The following VRK2 variants were observed in gnomAD, a reference collection of about 807,000 sequenced individuals.
The protein encoded by VRK2 is VRK serine/threonine kinase 2, also known as serine/threonine-protein kinase VRK2.
In VRK2, 60 loss-of-function variants were observed where a neutral mutation model predicts 57.6. The observed-to-expected ratio is 1.04, with a 90% CI of 0.85 to 1.29. The LOEUF is 1.29. VRK2 is among the 50% of genes most tolerant of loss of function. The pLI, the probability that VRK2 is intolerant of heterozygous loss-of-function variation, is 0.00. For synonymous variants in VRK2, 231 were observed against 199.2 expected (o/e 1.16, Z -1.35); for missense variants, 705 against 588.1 (o/e 1.20, Z -2.06).
At chr2:57,966,020 T>G (rs903674290) in intron 1 of VRK2, among the ~76,000 whole-genome samples, 6 of 152,164 alleles carry the variant, frequency 3.9e-5, no homozygotes, top group Admixed American at 3.3e-4. Context: ...TTCAGAAGCT[T>G]TAACATCTTA....
At chr2:58,022,564 G>T (rs1673790726) in intron 1 of VRK2, among the ~76,000 whole-genome samples, 1 of 152,134 alleles carries the variant, frequency 6.6e-6, no homozygotes, top group African/African-American at 2.4e-5. Context: ...GTCACAAAAC[G>T]AATATGAGAG....
chr2:58,124,444 C>A (rs111748575), intron 8 of VRK2, among the ~76,000 whole-genome samples: 1 of 152,178 alleles, frequency 6.6e-6, no homozygotes, highest in African/African-American at 2.4e-5. Context: ...AAATTATATT[C>A]TTTGTAAACT....
intron 1 of VRK2, among the ~76,000 whole-genome samples, chr2:57,982,369 G>A (rs183446384): frequency 1.6e-3 from 246 of 152,298 alleles, no homozygotes; most frequent in South Asian, 3.9e-3. Context: ...CATGTGCACC[G>A]GCAGGAGCTG....
intron 2 of VRK2, among the ~76,000 whole-genome samples, chr2:58,031,281 G>A (rs577476322): frequency 3.9e-5 from 6 of 151,996 alleles, no homozygotes; most frequent in South Asian, 2.1e-4. Context: ...AAGGAATAGC[G>A]AGTGGGCCAG....
chr2:57,978,869 T>C (rs1333590664), intron 1 of VRK2, among the ~76,000 whole-genome samples: 1 of 150,886 alleles, frequency 6.6e-6, no homozygotes, highest in Non-Finnish European at 1.5e-5. Flanking sequence ...GTTCTCAATC[T>C]TCAACTCCCA....
chr2:58,014,225 T>A lies in VRK2; in HGVS notation c.-438-11440T>A, dbSNP rs1051781980. ...GCTCTAGGTAGTCTGCCGTGCTATA[T>A]TCCTAAGGAGATAAATTACCAAATC... On this transcript the variant is annotated intron_variant, in intron 1 of 15. Coordinates refer to the VRK2 transcript ENST00000417641. Among the ~76,000 whole-genome samples, 9 of 152,192 alleles carry A rather than the reference T, an allele frequency of 5.9e-5. 1 individual carries two copies. Among genetic ancestry groups the A allele is most frequent in the African/African-American group, 2.2e-4 (9 of 41,460 alleles).
intron 1 of VRK2, among the ~76,000 whole-genome samples, chr2:58,016,204 G>T (rs1673576526): frequency 6.6e-6 from 1 of 152,054 alleles, no homozygotes; most frequent in Non-Finnish European, 1.5e-5. Context: ...TTGTTATAAG[G>T]ATAAAATTTG....
chr2:57,977,208 T>C (rs1672279291), intron 1 of VRK2, among the ~76,000 whole-genome samples: 1 of 152,158 alleles, frequency 6.6e-6, no homozygotes, highest in Non-Finnish European at 1.5e-5. Context: ...TTTTGTTTGT[T>C]TGTTTCCAAA....
chr2:58,105,812 T>C (rs1002165955), intron 7 of VRK2, among the ~76,000 whole-genome samples: 13 of 151,910 alleles, frequency 8.6e-5, no homozygotes, highest in African/African-American at 1.2e-4. Flanking sequence ...ATACTATCTT[T>C]GAATTTAATA....
intron 1 of VRK2, among the ~76,000 whole-genome samples, chr2:58,006,737 C>G (rs1366234228): frequency 2.6e-5 from 4 of 152,068 alleles, no homozygotes; most frequent in Non-Finnish European, 1.5e-5. Context: ...GAAGAGCTGG[C>G]CTTGAACTGA....
upstream of VRK2, chr2:58,046,714 C>A (rs914591860): frequency 1.0e-6 from 1 of 985,550 alleles, no homozygotes; most frequent in Non-Finnish European, 1.2e-6. Context: ...GCGAGGCCGA[C>A]GCAGCTGGAG....
intron 1 of VRK2, among the ~76,000 whole-genome samples, chr2:57,947,487 C>A (rs1423465144): frequency 2.0e-5 from 3 of 152,172 alleles, no homozygotes; most frequent in Non-Finnish European, 1.5e-5. Context: ...GTCTTTCCAA[C>A]AGCCCAGCTT....
At chr2:58,113,178 A>C (rs1430464166) in intron 7 of VRK2, among the ~76,000 whole-genome samples, 1 of 151,972 alleles carries the variant, frequency 6.6e-6, no homozygotes, top group African/African-American at 2.4e-5. Context: ...GCGTGGTGGC[A>C]CACGGCTGTA....
At chr2:58,039,329 C>T (rs1165530190) in intron 3 of VRK2, among the ~76,000 whole-genome samples, 1 of 152,104 alleles carries the variant, frequency 6.6e-6, no homozygotes, top group Non-Finnish European at 1.5e-5. Flanking sequence ...CTTAAAAATG[C>T]TCTTTTTCTT....
intron 1 of VRK2, among the ~76,000 whole-genome samples, chr2:58,019,062 G>A (rs894748087): frequency 2.0e-5 from 3 of 152,102 alleles, no homozygotes; most frequent in Non-Finnish European, 4.4e-5. Context: ...CTTTTCTTAG[G>A]AGATAAATAA....
At chr2:57,958,581 C>G (rs558050761) in intron 1 of VRK2, among the ~76,000 whole-genome samples, 1 of 151,338 alleles carries the variant, frequency 6.6e-6, no homozygotes, top group South Asian at 2.1e-4. Context: ...AAATAATAAC[C>G]GATTTTTATT....
At chr2:57,917,218 T>C (rs1164545884) in intron 1 of VRK2, among the ~76,000 whole-genome samples, 1 of 152,042 alleles carries the variant, frequency 6.6e-6, no homozygotes, top group East Asian at 1.9e-4. Context: ...AGAAACAACA[T>C]GTAGGAAAAG....
At chr2:58,090,434 C>A (rs371834209) in intron 7 of VRK2, among the ~76,000 whole-genome samples, 6 of 150,860 alleles carry the variant, frequency 4.0e-5, no homozygotes, top group Non-Finnish European at 7.4e-5. Flanking sequence ...TTTAAGCAAG[C>A]TTTTCCATTA....
At position 58,088,327 on chromosome 2, in the gene VRK2, C is replaced by T. The variant is rs1558619616; in HGVS notation, c.345-14C>T. The T allele has an allele frequency of 1.3e-6, 2 of 1,554,700 alleles. No homozygotes were observed. The highest frequency in any genetic ancestry group is 8.8e-7 in the Non-Finnish European group (1 of 1,137,426). On this transcript the variant is annotated splice_polypyrimidine_tract_variant and intron_variant, in intron 5 of 12. Coordinates refer to ENST00000340157, the MANE Select transcript of VRK2 (RefSeq NM_006296.7). ...TTCTCAGGATGATCTCTTTTTGATG[C>T]TTTTTTCTTACAGTTACAGATTTAT...
Sources: gnomAD v4.1 joint callset for allele counts (sites outside exome capture counted in the v4.1 genomes callset) on GRCh38, gnomAD v4.1.1 for gene constraint, MANE v1.5 for transcripts, NCBI Gene and HGNC (gene_info 2026-07-23, HGNC 2026-07-21) for gene names.